Variants in NEUROD1 observed in about 807,000 individuals in gnomAD.
The protein encoded by NEUROD1 is neurogenic differentiation factor 1.
Under a neutral mutation model 21.8 loss-of-function variants are expected in NEUROD1, and 9 were observed. That is an observed-to-expected ratio of 0.41 (90% CI 0.25 to 0.72). NEUROD1 has a LOEUF of 0.72. Among genes scored for constraint, NEUROD1 ranks in the 30% least tolerant of loss-of-function variants. The pLI is 0.31. For synonymous variants in NEUROD1, 199 were observed against 186.2 expected (o/e 1.07, Z -0.56); for missense variants, 434 against 468.8 (o/e 0.93, Z 0.69).
chr2:181,676,883 A>G lies in NEUROD1; in HGVS notation c.*907T>C, dbSNP rs747758950. 10 of 152,624 alleles carry G rather than the reference A, an allele frequency of 6.6e-5. No individual in the cohort carries two copies. The highest frequency in any genetic ancestry group is 1.5e-4 in the Non-Finnish European group (10 of 68,008). The allele number at this position is 152,624 out of a possible 1,614,324, so 9.5% of individuals were successfully genotyped here. ...CAAAGGAGTAAAAGACTAAAAAGTA[A>G]CAGTGCAAATTGTATGTGATAGTCA... On this transcript the variant is annotated 3_prime_UTR_variant, in exon 2 of 2. Coordinates refer to ENST00000295108, the MANE Select transcript of NEUROD1 (RefSeq NM_002500.5).
chr2:181,674,154 CCT>C (rs1281994395), downstream of NEUROD1, among the ~76,000 whole-genome samples: 2 of 152,044 alleles, frequency 1.3e-5, no homozygotes, highest in African/African-American at 2.4e-5. Flanking sequence ...GAAATTTCCC[CCT>C]GATTTTACAT....
chr2:181,676,067 C>T (rs1688563767), downstream of NEUROD1, among the ~76,000 whole-genome samples: 1 of 151,970 alleles, frequency 6.6e-6, no homozygotes. Flanking sequence ...TATAGACAAA[C>T]TAAGCTAGGA....
At position 181,678,114 on chromosome 2, in the gene NEUROD1, G is replaced by A. The variant is rs1465634886; in HGVS notation, c.747C>T (p.Tyr249=). 2 of 1,614,110 alleles carry A rather than the reference G, an allele frequency of 1.2e-6. No individual in the cohort carries two copies. Among genetic ancestry groups the A allele is most frequent in the African/African-American group, 2.7e-5 (2 of 74,940 alleles). The change falls in exon 2 of 2, where the codon TAC becomes TAT. Residue 249 remains tyrosine, a synonymous_variant. Coordinates refer to ENST00000295108, the MANE Select transcript of NEUROD1 (RefSeq NM_002500.5). This position sits in a 1 kb window ranked among gnomAD's most constrained non-coding sequence, Gnocchi z 5.5. ...VFHVKPPPHA[Y]SAALEPFFES... is the part of the protein sequence containing the mutation. The stretch of plus-strand genomic sequence containing the variant: ...CAAAGAAGGGCTCCAGCGCTGCGCT[G>A]TAGGCGTGCGGCGGAGGCTTAACGT...
chr2:181,678,997 T>C lies in NEUROD1; in HGVS notation c.-11-126A>G. On this transcript the variant is annotated intron_variant, in intron 1 of 1. Coordinates refer to ENST00000295108, the MANE Select transcript of NEUROD1 (RefSeq NM_002500.5). This position sits in a 1 kb window ranked among gnomAD's most constrained non-coding sequence, Gnocchi z 5.5. ...ATGCTTGCGAAAAGTACCTGCCCAT[T>C]ACAAAATGAATGCCTCTGAGAAAAA... 8.7e-7 allele frequency: 1 copy of C among 1,150,036 alleles called. No homozygotes were observed. Among genetic ancestry groups the C allele is most frequent in the Non-Finnish European group, 1.2e-6 (1 of 811,352 alleles). The allele number at this position is 1,150,036 out of a possible 1,614,324, so 71.2% of individuals were successfully genotyped here.
At chr2:181,668,580 T>G (rs1391093749), downstream of NEUROD1, among the ~76,000 whole-genome samples, 1 of 152,162 alleles carries the variant, frequency 6.6e-6, no homozygotes, top group East Asian at 1.9e-4. Context: ...TCCAACTTAC[T>G]GCAGAATTGT....
chr2:181,677,682 T>C lies in NEUROD1; in HGVS notation c.*108A>G. 6.3e-7 allele frequency: 1 copy of C among 1,594,782 alleles called. No homozygotes were observed. Among genetic ancestry groups the C allele is most frequent in the East Asian group, 2.2e-5 (1 of 44,806 alleles). ...TACATATATCACTTGAAGCTTGGAGTATTTGCACTTTGCAGCAGTAGTACC... is the reference window on the plus strand; with the variant it reads ...TACATATATCACTTGAAGCTTGGAGCATTTGCACTTTGCAGCAGTAGTACC... On this transcript the variant is annotated 3_prime_UTR_variant, in exon 2 of 2. Transcript: ENST00000295108.
chr2:181,675,510 G>A (rs187310925), downstream of NEUROD1, among the ~76,000 whole-genome samples: 1 of 152,276 alleles, frequency 6.6e-6, no homozygotes, highest in East Asian at 1.9e-4. Context: ...TGTGGCACCC[G>A]AATCAGAGTA....
At chr2:181,675,257 AATAAT>A, downstream of NEUROD1, among the ~76,000 whole-genome samples, 1 of 152,344 alleles carries the variant, frequency 6.6e-6, no homozygotes, top group South Asian at 2.1e-4. Flanking sequence ...AACATGTTAA[AATAAT>A]ATATTTTAAA....
At chr2:181,673,752 A>G (rs145878772), downstream of NEUROD1, among the ~76,000 whole-genome samples, 4 of 152,282 alleles carry the variant, frequency 2.6e-5, no homozygotes, top group East Asian at 5.8e-4. Context: ...TTCTTGTATA[A>G]TTATAGAACT....
intron 1 of NEUROD1, among the ~76,000 whole-genome samples, chr2:181,679,938 T>G (rs940223254): frequency 1.3e-5 from 2 of 152,172 alleles, no homozygotes; most frequent in Admixed American, 6.5e-5. Flanking sequence ...TCAACTAAAC[T>G]ATCTCTGAAC....
rs1283920128 is a variant in NEUROD1, at chr2:181,676,543, CAAACA to C, written c.*1242_*1246del. 10 of 152,698 alleles carry C rather than the reference CAAACA, an allele frequency of 6.5e-5. No homozygotes were observed. Among genetic ancestry groups the C allele is most frequent in the African/African-American group, 2.4e-4 (10 of 41,566 alleles). The allele number at this position is 152,698 out of a possible 1,614,324, so 9.5% of individuals were successfully genotyped here. On this transcript the variant is annotated 3_prime_UTR_variant, in exon 2 of 2. Coordinates refer to ENST00000295108, the MANE Select transcript of NEUROD1 (RefSeq NM_002500.5). ...CATTACACCATAATATACAGGATTA[CAAACA>C]AAATTACAGTACAGATCGATTCCAG...
chr2:181,674,806 GAA>G (rs34619473), downstream of NEUROD1, among the ~76,000 whole-genome samples: 62,554 of 143,928 alleles, frequency 0.43, 14,541 homozygotes, highest in South Asian at 0.77. Flanking sequence ...AAAATGGGAA[GAA>G]AAAAAAAAAA....
At chr2:181,674,770 A>G (rs1244092822), downstream of NEUROD1, among the ~76,000 whole-genome samples, 1 of 151,270 alleles carries the variant, frequency 6.6e-6, no homozygotes, top group African/African-American at 2.4e-5. Flanking sequence ...AAGAATCCCT[A>G]TGTTTTAGAA....
rs749266432 is a variant in NEUROD1, at chr2:181,678,221, A to G, written c.640T>C (p.Phe214Leu). Residue 214 changes from phenylalanine (F) to leucine (L), a missense_variant, in exon 2 of 2, where the codon TTC (phenylalanine) becomes CTC (leucine). Coordinates refer to ENST00000295108, the MANE Select transcript of NEUROD1 (RefSeq NM_002500.5). The surrounding 1 kb of genome is among the most constrained non-coding windows in gnomAD (Gnocchi z 5.5). ...PPHLPTASAS[F>L]PVHPYSYQSP... ...TGGTAGGAGTAGGGGTGTACAGGGA[A>G]GGAAGCGCTGGCCGTCGGCAGGTGG... is the stretch of plus-strand genomic sequence containing the variant. 6.2e-7 allele frequency: 1 copy of G among 1,614,160 alleles called. No homozygotes were observed. The highest frequency in any genetic ancestry group is 1.1e-5 in the South Asian group (1 of 91,086).
downstream of NEUROD1, among the ~76,000 whole-genome samples, chr2:181,675,841 T>C (rs545230271): frequency 6.6e-6 from 1 of 152,176 alleles, no homozygotes; most frequent in East Asian, 1.9e-4. Context: ...CTTGGAAAAA[T>C]GATGGAAATC....
At chr2:181,679,745 G>C (rs1416595937) in intron 1 of NEUROD1, among the ~76,000 whole-genome samples, 1 of 152,252 alleles carries the variant, frequency 6.6e-6, no homozygotes, top group Non-Finnish European at 1.5e-5. Flanking sequence ...AAAAGATTGA[G>C]TAATTATAAT....
chr2:181,675,754 G>A (rs1325209375), downstream of NEUROD1, among the ~76,000 whole-genome samples: 2 of 152,188 alleles, frequency 1.3e-5, no homozygotes, highest in Non-Finnish European at 2.9e-5. Context: ...AAAGGGTGGG[G>A]GGAGGAAATA....
downstream of NEUROD1, among the ~76,000 whole-genome samples, chr2:181,673,722 T>A (rs1254406621): frequency 6.6e-6 from 1 of 152,190 alleles, no homozygotes; most frequent in East Asian, 1.9e-4. Context: ...AATTGCTTAA[T>A]AGGTATTTTC....
exon 2 of NEUROD1, among the ~76,000 whole-genome samples, chr2:181,671,042 C>CACACAT (rs1234128252): frequency 2.7e-5 from 4 of 146,968 alleles, no homozygotes; most frequent in African/African-American, 9.8e-5. Context: ...CACACACACA[C>CACACAT]ACACACACAC....
Sources: allele counts gnomAD v4.1 joint callset (sites outside exome capture counted in the v4.1 genomes callset), GRCh38; gene constraint gnomAD v4.1.1; non-coding constraint Gnocchi (gnomAD v3.1); transcripts MANE v1.5; gene names NCBI Gene and HGNC (gene_info 2026-07-23, HGNC 2026-07-21).